The following FAT3 variants were observed in gnomAD, a reference collection of about 807,000 sequenced individuals.
The protein encoded by FAT3 is protocadherin Fat 3.
Under a neutral mutation model 310.2 loss-of-function variants are expected in FAT3, and 95 were observed. The observed-to-expected ratio is 0.31, with a 90% CI of 0.26 to 0.36. The LOEUF is 0.36. Ranked by LOEUF, FAT3 falls within the 10% of genes least tolerant of loss-of-function variation. The pLI is 1.00. For synonymous variants in FAT3, 2,314 were observed against 2,192.9 expected (o/e 1.06, Z -1.54); for missense variants, 5,408 against 5,715.6 (o/e 0.95, Z 1.74).
At chr11:92,652,335 G>A (rs1014613170) in intron 3 of FAT3, among the ~76,000 whole-genome samples, 38 of 152,146 alleles carry the variant, frequency 2.5e-4, no homozygotes, top group Non-Finnish European at 4.7e-4. Flanking sequence ...GGTCTGGCTA[G>A]TTAAGAAGGT....
At chr11:92,397,720 C>G (rs1455571290) in intron 2 of FAT3, among the ~76,000 whole-genome samples, 5 of 151,992 alleles carry the variant, frequency 3.3e-5, no homozygotes, top group East Asian at 1.9e-4. Flanking sequence ...TTCCATCCCC[C>G]GCTTGCGAAC....
rs1232323552 is a variant in FAT3, at chr11:92,895,248, G to T, written c.*4135G>T. 1 of 152,204 alleles carries T rather than the reference G, an allele frequency of 6.6e-6. No individual in the cohort carries two copies. Among genetic ancestry groups the T allele is most frequent in the African/African-American group, 2.4e-5 (1 of 41,442 alleles). The allele number at this position is 152,204 out of a possible 1,614,324, so 9.4% of individuals were successfully genotyped here. A position where few individuals can be genotyped will look rare whatever the true frequency, so the allele number is the denominator to read the frequency against. On this transcript the variant is annotated 3_prime_UTR_variant, in exon 28 of 28. Transcript: ENST00000525166. The stretch of plus-strand genomic sequence containing the variant: ...CATTTTGTGTGCTCTGTGAGAAGGT[G>T]GTTATATGTTTTTGCTGGTTTGTGT...
intron 7 of FAT3, among the ~76,000 whole-genome samples, chr11:92,785,246 T>C (rs751155704): frequency 3.8e-4 from 58 of 152,096 alleles, no homozygotes; most frequent in Non-Finnish European, 1.9e-4. Context: ...TTTTTAAAAG[T>C]AAATAATGTT....
intron 2 of FAT3, among the ~76,000 whole-genome samples, chr11:92,510,719 T>A (rs1416996949): frequency 6.6e-6 from 1 of 152,216 alleles, no homozygotes; most frequent in African/African-American, 2.4e-5. Flanking sequence ...CCATTTTCAT[T>A]AACTCCAAAT....
intron 3 of FAT3, among the ~76,000 whole-genome samples, chr11:92,578,708 C>G (rs908573736): frequency 3.9e-5 from 6 of 152,118 alleles, no homozygotes; most frequent in Non-Finnish European, 8.8e-5. Flanking sequence ...TATAATCTTC[C>G]TAGGCCTCAC....
In FAT3 at chr11:92,306,754, A is replaced by AAT. The variant is rs1219695189; in HGVS notation, c.-17-45332_-17-45331dup. ...ATATATTTATATATAAATATATATA[A>AAT]ATATATATATAAATAAATTATATAT... On this transcript the variant is annotated intron_variant, in intron 1 of 27. Transcript: ENST00000525166. 7.5e-3 allele frequency among the ~76,000 whole-genome samples: 957 copies of AAT among 127,770 alleles called. 14 individuals are homozygous for AAT. The highest frequency in any genetic ancestry group is 0.026 in the African/African-American group (903 of 34,122). 83.8% of individuals were successfully genotyped at this position (127,770 alleles called of 152,430 possible).
At chr11:92,573,506 C>A (rs578180355) in intron 3 of FAT3, among the ~76,000 whole-genome samples, 133 of 152,174 alleles carry the variant, frequency 8.7e-4, no homozygotes, top group African/African-American at 3.1e-3. Context: ...GAGAATGTAA[C>A]CTTATTTGGA....
intron 2 of FAT3, among the ~76,000 whole-genome samples, chr11:92,447,261 T>C (rs1951242290): frequency 7.0e-6 from 1 of 142,572 alleles, no homozygotes. Context: ...GTGTGTACAG[T>C]GGTTTCAAGC....
Position 92,536,129 on chromosome 11 carries a change from C to T in FAT3, c.3607+11181C>T, listed in dbSNP as rs369457782. Among the ~76,000 whole-genome samples, 4 of 152,174 alleles carry T rather than the reference C, an allele frequency of 2.6e-5. No homozygotes were observed. The South Asian group carries it at 6.2e-4, about 24-fold the overall frequency. On this transcript the variant is annotated intron_variant, in intron 3 of 27. Coordinates refer to ENST00000525166, the MANE Select transcript of FAT3 (RefSeq NM_001367949.2). ...AGTGATTTTGTTCTTAGCTTCTTGA[C>T]GTTCTTATAAAAGTGTGTAAGTGTT...
chr11:92,522,882 T>G (rs1953732701), intron 2 of FAT3, among the ~76,000 whole-genome samples: 1 of 152,156 alleles, frequency 6.6e-6, no homozygotes, highest in Non-Finnish European at 1.5e-5. Flanking sequence ...ATGTATGATG[T>G]TTCTCCCAAA....
intron 3 of FAT3, among the ~76,000 whole-genome samples, chr11:92,626,765 TGGCTGTCACAG>T (rs1941355548): frequency 6.6e-6 from 1 of 152,182 alleles, no homozygotes; most frequent in Non-Finnish European, 1.5e-5. Context: ...GTAAGTGAGA[TGGCTGTCACAG>T]GGCTGTCAGG....
At chr11:92,343,870 A>G (rs1252706780) in intron 1 of FAT3, among the ~76,000 whole-genome samples, 2 of 152,194 alleles carry the variant, frequency 1.3e-5, no homozygotes, top group Non-Finnish European at 2.9e-5. Context: ...CCTCACTTCC[A>G]AAGCTTTCCA....
intron 22 of FAT3, among the ~76,000 whole-genome samples, chr11:92,876,719 C>T (rs1949543788): frequency 6.6e-6 from 1 of 152,250 alleles, no homozygotes; most frequent in Admixed American, 6.5e-5. Context: ...GATTTTCTCT[C>T]TGTGAACCTA....
chr11:92,528,419 C>T (rs1377933454), intron 3 of FAT3, among the ~76,000 whole-genome samples: 1 of 152,196 alleles, frequency 6.6e-6, no homozygotes, highest in African/African-American at 2.4e-5. Flanking sequence ...TTCCAGTTCG[C>T]TCAGTCGCCC....
At chr11:92,651,101 G>T (rs1319820926) in intron 3 of FAT3, among the ~76,000 whole-genome samples, 1 of 152,194 alleles carries the variant, frequency 6.6e-6, no homozygotes, top group Admixed American at 6.5e-5. Flanking sequence ...ACAAAGTAAG[G>T]CTGGTAGCCC....
rs924444089 is a variant in FAT3, at chr11:92,894,742, A to G, written c.*3629A>G. On this transcript the variant is annotated 3_prime_UTR_variant, in exon 28 of 28. Coordinates refer to ENST00000525166, the MANE Select transcript of FAT3 (RefSeq NM_001367949.2). Reference sequence around the variant, plus strand: ...CCTGCCTATTCATGAAATGCCATATAAAAGACTTAGGAACATGAGTAGGTG... The same window carrying G: ...CCTGCCTATTCATGAAATGCCATATGAAAGACTTAGGAACATGAGTAGGTG... 1 of 152,176 alleles carries G rather than the reference A, an allele frequency of 6.6e-6. No individual in the cohort carries two copies. The allele number at this position is 152,176 out of a possible 1,614,324, so 9.4% of individuals were successfully genotyped here. A position where few individuals can be genotyped will look rare whatever the true frequency, so the allele number is the denominator to read the frequency against.
intron 2 of FAT3, among the ~76,000 whole-genome samples, chr11:92,453,733 G>T (rs117329871): frequency 6.6e-6 from 1 of 151,860 alleles, no homozygotes; most frequent in Non-Finnish European, 1.5e-5. Flanking sequence ...CCTACCCATC[G>T]TTTTTTCCCC....
intron 13 of FAT3, among the ~76,000 whole-genome samples, chr11:92,811,897 T>C (rs905458658): frequency 6.6e-6 from 1 of 152,184 alleles, no homozygotes; most frequent in African/African-American, 2.4e-5. Flanking sequence ...CTTTAAAATG[T>C]AAAAGAACTA....
rs16917409 is a variant in FAT3 at position 92,353,496 on chromosome 11, A to G, written c.1384A>G (p.Ile462Val). 8,642 of 1,613,492 alleles carry G rather than the reference A, an allele frequency of 5.4e-3. 437 individuals carry two copies. In the African/African-American group the frequency reaches 0.1, roughly 19 times the overall value. ...GDLKAQVTIS[I>V]EDANDHTPEF... ...TTTAAAAGCACAGGTCACCATCAGC[A>G]TAGAAGATGCAAATGACCACACCCC... Residue 462 changes from isoleucine to valine, a missense_variant, in exon 2 of 28, where the codon ATA becomes GTA. Coordinates refer to ENST00000525166, the MANE Select transcript of FAT3 (RefSeq NM_001367949.2).
Sources: allele counts gnomAD v4.1 joint callset (sites outside exome capture counted in the v4.1 genomes callset), GRCh38; gene constraint gnomAD v4.1.1; transcripts MANE v1.5; gene names NCBI Gene and HGNC (gene_info 2026-07-23, HGNC 2026-07-21).